FBXO46: variants seen among roughly 807,000 people sequenced by gnomAD.
FBXO46 encodes F-box protein 46, also known as F-box only protein 46.
A neutral mutation model predicts 30.7 loss-of-function variants in FBXO46; 13 were observed. The observed-to-expected ratio is 0.42, with a 90% CI of 0.28 to 0.67. The LOEUF (loss-of-function observed/expected upper bound fraction) is 0.67. Among genes scored for constraint, FBXO46 ranks in the 30% least tolerant of loss-of-function variants. The pLI, the probability that FBXO46 is intolerant of heterozygous loss-of-function variation, is 0.21. For missense variants in FBXO46, 754 were observed against 871.5 expected (o/e 0.87, Z 1.70); for synonymous variants, 467 against 385.8 (o/e 1.21, Z -2.47).
At chr19:45,717,555 G>T (rs1035382665) in intron 1 of FBXO46, among the ~76,000 whole-genome samples, 5 of 152,214 alleles carry the variant, frequency 3.3e-5, no homozygotes, top group Non-Finnish European at 4.4e-5. Context: ...GACACAGCCG[G>T]ATGCAAGGGA....
At chr19:45,732,448 T>A (rs1968332114), upstream of FBXO46, among the ~76,000 whole-genome samples, 1 of 146,960 alleles carries the variant, frequency 6.8e-6, no homozygotes, top group East Asian at 2.0e-4. Flanking sequence ...CGGTGGCTCA[T>A]GCTTATAATC....
At position 45,711,621 on chromosome 19, in the gene FBXO46, T is replaced by TCGGCTCC. The variant is rs1568543731; in HGVS notation, c.*56_*62dup. The TCGGCTCC allele has an allele frequency of 7.5e-7, 1 of 1,332,002 alleles. No individual in the cohort carries two copies. Among genetic ancestry groups the TCGGCTCC allele is most frequent in the Non-Finnish European group, 1.0e-6 (1 of 961,364 alleles). 82.5% of individuals were successfully genotyped at this position (1,332,002 alleles called of 1,614,324 possible). A position where few individuals can be genotyped will look rare whatever the true frequency, so the allele number is the denominator to read the frequency against. ...TGGGCAGGCGGCCCAGTCCGGACCC[T>TCGGCTCC]CGGCTCCCGGGGGGAGAGGGGAGGG... On this transcript the variant is annotated 3_prime_UTR_variant, in exon 2 of 2. Coordinates refer to ENST00000317683, the MANE Select transcript of FBXO46 (RefSeq NM_001080469.2).
upstream of FBXO46, among the ~76,000 whole-genome samples, chr19:45,731,902 G>A (rs1968320852): frequency 6.6e-6 from 1 of 151,680 alleles, no homozygotes; most frequent in South Asian, 2.1e-4. Flanking sequence ...CTGATCACAA[G>A]GTCAGGAGAT....
chr19:45,726,927 A>G (rs1968247373), intron 1 of FBXO46, among the ~76,000 whole-genome samples: 2 of 152,168 alleles, frequency 1.3e-5, no homozygotes, highest in Non-Finnish European at 2.9e-5. Flanking sequence ...CCTTACGAGA[A>G]GCTCAGAGTT....
chr19:45,712,651 C>G lies in FBXO46; in HGVS notation c.845G>C (p.Gly282Ala), dbSNP rs767053390. The change falls in exon 2 of 2, where the codon GGC becomes GCC. Residue 282 changes from glycine (G) to alanine (A), a missense_variant. By Grantham distance (60) the Gly-to-Ala change is moderately conservative (BLOSUM62 0). Coordinates refer to ENST00000317683, the MANE Select transcript of FBXO46 (RefSeq NM_001080469.2). This position sits in a 1 kb window ranked among gnomAD's most constrained non-coding sequence, Gnocchi z 8.8. ...RAPDSGLPSGGGGRPGCAYPG... is the reference protein window; with the variant it reads ...RAPDSGLPSGAGGRPGCAYPG... ...GTAGGCACAACCAGGCCTGCCCCCG[C>G]CCCCACTGGGCAGGCCGCTGTCTGG... The G allele has an allele frequency of 9.3e-6, 15 of 1,609,860 alleles. No individual in the cohort carries two copies. The highest frequency in any genetic ancestry group is 1.3e-5 in the African/African-American group (1 of 74,860).
At chr19:45,715,806 C>CAAAAAAAAAAAAAAA (rs71175215) in intron 1 of FBXO46, 1 of 79,432 alleles carries the variant, frequency 1.3e-5, no homozygotes, top group Non-Finnish European at 2.2e-5. Flanking sequence ...AACTCCATCT[C>CAAAAAAAAAAAAAAA]AAAAAAAAAA....
intron 1 of FBXO46, chr19:45,717,282 G>C (rs1196020939): frequency 1.3e-5 from 2 of 151,700 alleles, no homozygotes; most frequent in African/African-American, 2.4e-5. Flanking sequence ...CCCCCCAGGC[G>C]GCGGGAGAAG....
In FBXO46 at chr19:45,711,783, G is replaced by A. The variant is rs1182363801; in HGVS notation, c.1713C>T (p.Arg571=). 24 of 1,604,610 alleles carry A rather than the reference G, an allele frequency of 1.5e-5. No homozygotes were observed. Among genetic ancestry groups the A allele is most frequent in the Non-Finnish European group, 1.9e-5 (22 of 1,177,302 alleles). ...SYWMCCRRAD[R]ETPGCRLGLH... ...GGCCCAGGCGGCAGCCGGGAGTCTC[G>A]CGGTCGGCTCGACGGCAGCACATCC... Residue 571 remains arginine, a synonymous_variant, in exon 2 of 2, where the codon CGC becomes CGT. Coordinates refer to ENST00000317683, the MANE Select transcript of FBXO46 (RefSeq NM_001080469.2).
At position 45,711,125 on chromosome 19, in the gene FBXO46, C is replaced by T. The variant is rs1568543317; in HGVS notation, c.*559G>A. On this transcript the variant is annotated 3_prime_UTR_variant, in exon 2 of 2. Coordinates refer to ENST00000317683, the MANE Select transcript of FBXO46 (RefSeq NM_001080469.2). ...ATTTCCCCCCCACTTCTTTAATAGG[C>T]AAACCATCTAGAAATGGACTGTCAT... 2.7e-6 allele frequency: 1 copy of T among 372,658 alleles called. No homozygotes were observed. Among genetic ancestry groups the T allele is most frequent in the Non-Finnish European group, 5.2e-6 (1 of 190,832 alleles). The allele number at this position is 372,658 out of a possible 1,614,324, so 23.1% of individuals were successfully genotyped here.
Position 45,712,750 on chromosome 19 carries a change from T to C in FBXO46, c.746A>G (p.Glu249Gly). ...CCCAGGGCCTGGCCCGGGCCGCTCT[T>C]CCTTGCGGAGGCCCTTGGTGGGAGG... ...DSPPTKGLRK[E>G]ERPGPGPGEV... The change falls in exon 2 of 2, where the codon GAA (glutamate) becomes GGA (glycine). Residue 249 changes from glutamate (E) to glycine (G), a missense_variant. By Grantham distance (98) the Glu-to-Gly change is moderately conservative. Coordinates refer to ENST00000317683, the MANE Select transcript of FBXO46 (RefSeq NM_001080469.2). This position sits in a 1 kb window ranked among gnomAD's most constrained non-coding sequence, Gnocchi z 8.8. 1 of 1,611,494 alleles carries C rather than the reference T, an allele frequency of 6.2e-7. No homozygotes were observed. The highest frequency in any genetic ancestry group is 8.5e-7 in the Non-Finnish European group (1 of 1,178,776).
At chr19:45,714,093 C>T (rs967483613) in intron 1 of FBXO46, among the ~76,000 whole-genome samples, 1 of 152,100 alleles carries the variant, frequency 6.6e-6, no homozygotes, top group Non-Finnish European at 1.5e-5. Flanking sequence ...ACTGGCAGCA[C>T]GCACCAACCC....
At chr19:45,726,829 A>C (rs562425366) in intron 1 of FBXO46, among the ~76,000 whole-genome samples, 1 of 152,288 alleles carries the variant, frequency 6.6e-6, no homozygotes, top group South Asian at 2.1e-4. Context: ...TGAAAGAATA[A>C]AAATCATAGA....
chr19:45,712,356 AAAG>A lies in FBXO46; in HGVS notation c.1137_1139del (p.Phe380del). 3 of 1,602,376 alleles carry A rather than the reference AAAG, an allele frequency of 1.9e-6. No homozygotes were observed. The highest frequency in any genetic ancestry group is 2.5e-6 in the Non-Finnish European group (3 of 1,179,632). On this transcript the variant is annotated inframe_deletion, in exon 2 of 2. Transcript: ENST00000317683. The surrounding 1 kb of genome is among the most constrained non-coding windows in gnomAD (Gnocchi z 8.8). ...TCACGTTCTTGGTGCCGTCCTTGCC[AAAG>A]AAGATGCACTCATCTACCACGCCCG...
In FBXO46 at chr19:45,712,117, C is replaced by A; in HGVS notation, c.1379G>T (p.Arg460Leu). Residue 460 changes from arginine to leucine, a missense_variant, in exon 2 of 2, where the codon CGC becomes CTC. This residue lies in a region of FBXO46 where 162 missense variants were observed against 258.7 expected (regional missense o/e 0.63). Transcript: ENST00000317683. The surrounding 1 kb of genome is among the most constrained non-coding windows in gnomAD (Gnocchi z 8.8). ...RHVSHDFLEIRFKIQRLLEPR... is the reference protein window; with the variant it reads ...RHVSHDFLEILFKIQRLLEPR... Reference sequence around the variant, plus strand: ...CTCCAGCAGCCGCTGAATCTTGAAGCGGATCTCTAGGAAGTCGTGCGACAC... The same window carrying A: ...CTCCAGCAGCCGCTGAATCTTGAAGAGGATCTCTAGGAAGTCGTGCGACAC... 1 of 1,600,106 alleles carries A rather than the reference C, an allele frequency of 6.2e-7. No individual in the cohort carries two copies. Among genetic ancestry groups the A allele is most frequent in the Non-Finnish European group, 8.5e-7 (1 of 1,174,008 alleles).
rs1481707669 is a variant in FBXO46 at position 45,711,307 on chromosome 19, A to T, written c.*377T>A. 2 of 446,882 alleles carry T rather than the reference A, an allele frequency of 4.5e-6. No homozygotes were observed. Among genetic ancestry groups the T allele is most frequent in the Admixed American group, 3.1e-5 (1 of 32,268 alleles). 27.7% of individuals were successfully genotyped at this position (446,882 alleles called of 1,614,324 possible). ...AGAAAGAATTGGGGTGAGGGAGAGGATGGGGGCCAGAATGGGGGGACCCTT... is the reference window on the plus strand; with the variant it reads ...AGAAAGAATTGGGGTGAGGGAGAGGTTGGGGGCCAGAATGGGGGGACCCTT... On this transcript the variant is annotated 3_prime_UTR_variant, in exon 2 of 2. Coordinates refer to ENST00000317683, the MANE Select transcript of FBXO46 (RefSeq NM_001080469.2).
In FBXO46 at chr19:45,713,750, C is replaced by T. The variant is rs1449429772; in HGVS notation, c.-78-177G>A. On this transcript the variant is annotated intron_variant, in intron 1 of 1. Transcript: ENST00000317683. The surrounding 1 kb of genome is among the most constrained non-coding windows in gnomAD (Gnocchi z 4.7). The stretch of plus-strand genomic sequence containing the variant: ...TGGGAGGCTGAGGTGGGCAGATCAC[C>T]TGAGGTCAGGAGTTTGAGACCAGCC... 1.3e-5 allele frequency among the ~76,000 whole-genome samples: 2 copies of T among 151,968 alleles called. No homozygotes were observed. Among genetic ancestry groups the T allele is most frequent in the Non-Finnish European group, 2.9e-5 (2 of 67,972 alleles).
At chr19:45,732,877 C>G (rs1968344645), upstream of FBXO46, among the ~76,000 whole-genome samples, 1 of 152,020 alleles carries the variant, frequency 6.6e-6, no homozygotes, top group Admixed American at 6.6e-5. Context: ...AAATGGCCCT[C>G]CTCTTTGAAT....
chr19:45,726,136 G>A (rs1293557637), intron 1 of FBXO46, among the ~76,000 whole-genome samples: 4 of 152,136 alleles, frequency 2.6e-5, no homozygotes, highest in East Asian at 1.9e-4. Flanking sequence ...GAGCATAGGA[G>A]TTCAAGACCA....
At chr19:45,715,369 T>C (rs2146148251) in intron 1 of FBXO46, 1 of 152,360 alleles carries the variant, frequency 6.6e-6, no homozygotes. Context: ...CATGCTCATT[T>C]GTTTATGGAT....
Sources: allele counts gnomAD v4.1 joint callset (sites outside exome capture counted in the v4.1 genomes callset), GRCh38; gene constraint gnomAD v4.1.1; regional missense constraint gnomAD v4.1.1; non-coding constraint Gnocchi (gnomAD v3.1); transcripts MANE v1.5; gene names NCBI Gene and HGNC (gene_info 2026-07-23, HGNC 2026-07-21).